Variants in KPNA5 observed in about 807,000 individuals in gnomAD.
KPNA5 encodes the protein importin subunit alpha-6.
KPNA5 carries 46 observed loss-of-function variants against 71.3 expected under a neutral mutation model. That is an observed-to-expected ratio of 0.65 (90% confidence interval 0.51 to 0.83). KPNA5 has a LOEUF of 0.83. Ranked by LOEUF, KPNA5 falls within the 40% of genes least tolerant of loss-of-function variation. KPNA5 has a pLI of 0.00. For missense variants in KPNA5, 547 were observed against 628.3 expected (o/e 0.87, Z 1.38); for synonymous variants, 207 against 201.4 (o/e 1.03, Z -0.24).
At chr6:116,712,904 A>G (rs1041502009) in intron 7 of KPNA5, among the ~76,000 whole-genome samples, 6 of 152,112 alleles carry the variant, frequency 3.9e-5, no homozygotes, top group African/African-American at 1.2e-4. Flanking sequence ...TTAAACTTGT[A>G]ACCACCTTGA....
chr6:116,709,788 CG>C (rs1562443315), intron 7 of KPNA5, among the ~76,000 whole-genome samples: 1 of 149,492 alleles, frequency 6.7e-6, no homozygotes, highest in East Asian at 2.0e-4. Context: ...TTTTTCGAGA[CG>C]GAGTCATGCT....
chr6:116,695,729 T>C (rs1778002349), intron 4 of KPNA5, among the ~76,000 whole-genome samples: 1 of 152,222 alleles, frequency 6.6e-6, no homozygotes. Context: ...GCTTCTTTCT[T>C]CCTCACAATA....
rs1308466281 is a variant in KPNA5, at chr6:116,736,558, G to A, written c.*4235G>A. 6.6e-6 allele frequency: 1 copy of A among 151,970 alleles called. No homozygotes were observed. Among genetic ancestry groups the A allele is most frequent in the Non-Finnish European group, 1.5e-5 (1 of 67,914 alleles). The allele number at this position is 151,970 out of a possible 1,614,324, so 9.4% of individuals were successfully genotyped here. On this transcript the variant is annotated 3_prime_UTR_variant, in exon 14 of 14. Transcript: ENST00000368564. The stretch of plus-strand genomic sequence containing the variant: ...TTAAATCACGTGAGAGTAACACAAA[G>A]TTTTAAATGCATATTTTACACCCCA...
chr6:116,716,197 T>C (rs1180640852), intron 7 of KPNA5, 22 bp from the exon 8 acceptor site: 3 of 1,555,026 alleles, frequency 1.9e-6, no homozygotes, highest in Admixed American at 1.7e-5. Flanking sequence ...GTGATAATTC[T>C]TTTTTTTCTT....
At chr6:116,721,227 G>A (rs1161800491) in intron 8 of KPNA5, among the ~76,000 whole-genome samples, 1 of 152,150 alleles carries the variant, frequency 6.6e-6, no homozygotes, top group Non-Finnish European at 1.5e-5. Flanking sequence ...TAAAATAGGG[G>A]TAAAGAGAAA....
chr6:116,685,240 C>T (rs967258559), intron 1 of KPNA5, among the ~76,000 whole-genome samples: 34 of 152,106 alleles, frequency 2.2e-4, no homozygotes, highest in African/African-American at 8.0e-4. Flanking sequence ...GACTCAAATA[C>T]CGTGCTAAAT....
At chr6:116,699,583 G>T (rs1247114367) in intron 5 of KPNA5, among the ~76,000 whole-genome samples, 1 of 152,154 alleles carries the variant, frequency 6.6e-6, no homozygotes, top group African/African-American at 2.4e-5. Flanking sequence ...CGTTTTAGGT[G>T]TAAGTAAAGG....
intron 2 of KPNA5, among the ~76,000 whole-genome samples, chr6:116,689,777 A>G (rs914022891): frequency 2.0e-5 from 3 of 152,168 alleles, no homozygotes; most frequent in African/African-American, 7.2e-5. Context: ...AACATTAATT[A>G]TATATTATTT....
chr6:116,694,275 A>C (rs184249432), intron 4 of KPNA5, among the ~76,000 whole-genome samples: 2 of 152,308 alleles, frequency 1.3e-5, no homozygotes, highest in African/African-American at 4.8e-5. Flanking sequence ...TCTGTGAAGA[A>C]AGTCATTAAT....
chr6:116,728,606 C>T (rs1483065526), intron 12 of KPNA5, among the ~76,000 whole-genome samples: 1 of 152,042 alleles, frequency 6.6e-6, no homozygotes, highest in Non-Finnish European at 1.5e-5. Flanking sequence ...AATTACAGTA[C>T]AGTATAGGGC....
In KPNA5 at chr6:116,736,869, T is replaced by C. The variant is rs920895058; in HGVS notation, c.*4546T>C. 2 of 151,864 alleles carry C rather than the reference T, an allele frequency of 1.3e-5. No individual in the cohort carries two copies. The highest frequency in any genetic ancestry group is 6.6e-5 in the Admixed American group (1 of 15,188). The allele number at this position is 151,864 out of a possible 1,614,324, so 9.4% of individuals were successfully genotyped here. On this transcript the variant is annotated 3_prime_UTR_variant, in exon 14 of 14. Coordinates refer to ENST00000368564, the MANE Select transcript of KPNA5 (RefSeq NM_001366306.2). ...TTAGTGTATTTTTTATGTCAGACATTGTGTATTTTATCTTTAAAAATTCAA... is the reference window on the plus strand; with the variant it reads ...TTAGTGTATTTTTTATGTCAGACATCGTGTATTTTATCTTTAAAAATTCAA...
chr6:116,692,010 T>C, intron 2 of KPNA5, 45 bp from the exon 3 acceptor site: 1 of 1,245,618 alleles, frequency 8.0e-7, no homozygotes, highest in South Asian at 1.2e-5. Context: ...CAACTTAATG[T>C]TTTATGGAAA....
At chr6:116,695,854 A>T (rs1210116262) in intron 4 of KPNA5, among the ~76,000 whole-genome samples, 1 of 152,138 alleles carries the variant, frequency 6.6e-6, no homozygotes, top group Admixed American at 6.5e-5. Flanking sequence ...TGTCATACTG[A>T]TAACAGAATT....
At chr6:116,703,842 T>C (rs1282610234) in intron 6 of KPNA5, among the ~76,000 whole-genome samples, 2 of 152,186 alleles carry the variant, frequency 1.3e-5, no homozygotes, top group African/African-American at 4.8e-5. Context: ...GAGAATAAAA[T>C]AAAATGATAA....
chr6:116,705,542 T>C (rs1371650221), intron 7 of KPNA5, among the ~76,000 whole-genome samples: 1 of 152,186 alleles, frequency 6.6e-6, no homozygotes, highest in Non-Finnish European at 1.5e-5. Flanking sequence ...AGAACCAAGA[T>C]TTTAAGATAG....
rs188064550 is a variant in KPNA5 at position 116,737,419 on chromosome 6, T to G, written c.*5096T>G. ...AAAGGGGAATCCTCTGCAGATAATCTGGAGCAATCTGTGTAGTTTTGTCAC... is the reference window on the plus strand; with the variant it reads ...AAAGGGGAATCCTCTGCAGATAATCGGGAGCAATCTGTGTAGTTTTGTCAC... On this transcript the variant is annotated 3_prime_UTR_variant, in exon 14 of 14. Transcript: ENST00000368564. 3.9e-5 allele frequency: 6 copies of G among 152,162 alleles called. No homozygotes were observed. In the East Asian group the frequency reaches 1.2e-3, roughly 29 times the overall value. 9.4% of individuals were successfully genotyped at this position (152,162 alleles called of 1,614,324 possible).
chr6:116,729,509 A>C, intron 12 of KPNA5, 54 bp from the exon 13 acceptor site: 1 of 1,170,756 alleles, frequency 8.5e-7, no homozygotes, highest in Non-Finnish European at 1.1e-6. Context: ...AACAGTACTT[A>C]AGTCTTTTTA....
intron 4 of KPNA5, among the ~76,000 whole-genome samples, chr6:116,696,538 C>T (rs537268086): frequency 3.3e-5 from 5 of 152,256 alleles, no homozygotes; most frequent in South Asian, 4.1e-4. Context: ...CTTAAGTCTG[C>T]GACGGTGACC....
At position 116,702,068 on chromosome 6, in the gene KPNA5, A is replaced by C; in HGVS notation, c.485A>C (p.His162Pro). The change falls in exon 6 of 14, where the codon CAT (histidine) becomes CCT (proline). Residue 162 changes from histidine to proline, a missense_variant. Coordinates refer to ENST00000368564, the MANE Select transcript of KPNA5 (RefSeq NM_001366306.2). ...AATATAGCATCTGGAACTTTTCTGC[A>C]TACCAAGGTAGTGATTGAAACTGGG... ...LTNIASGTFL[H>P]TKVVIETGAV... The C allele has an allele frequency of 6.2e-7, 1 of 1,613,744 alleles. No homozygotes were observed. Among genetic ancestry groups the C allele is most frequent in the South Asian group, 1.1e-5 (1 of 91,042 alleles).
Sources: gnomAD v4.1 joint callset for allele counts (sites outside exome capture counted in the v4.1 genomes callset) on GRCh38, gnomAD v4.1.1 for gene constraint, MANE v1.5 for transcripts, NCBI Gene and HGNC (gene_info 2026-07-23, HGNC 2026-07-21) for gene names.